The following PHC3 variants were observed in gnomAD, a reference collection of about 807,000 sequenced individuals.
PHC3 encodes polyhomeotic-like protein 3.
A neutral mutation model predicts 107.4 loss-of-function variants in PHC3; 13 were observed. That is an observed-to-expected ratio of 0.12 (90% CI 0.08 to 0.19). The LOEUF (loss-of-function observed/expected upper bound fraction) is 0.19, where lower values mean the gene tolerates loss of function less well. Among genes scored for constraint, PHC3 ranks in the 10% least tolerant of loss-of-function variants. The pLI, the probability that PHC3 is intolerant of heterozygous loss-of-function variation, is 1.00. For synonymous variants in PHC3, 456 were observed against 427.4 expected, an observed-to-expected ratio of 1.07 and a Z score of -0.83; for missense variants, 992 against 1,210.9, an observed-to-expected ratio of 0.82 and a Z score of 2.68.
chr3:170,116,852 A>G (rs1719077983), intron 10 of PHC3, among the ~76,000 whole-genome samples: 1 of 152,062 alleles, frequency 6.6e-6, no homozygotes, highest in African/African-American at 2.4e-5. Context: ...TCAAGGTAAC[A>G]GTGAGCCATG....
chr3:170,126,931 T>TG lies in PHC3; in HGVS notation c.1788+1752_1788+1753insC, dbSNP rs547144565. Among the ~76,000 whole-genome samples, 103 of 147,928 alleles carry TG rather than the reference T, an allele frequency of 7.0e-4. 1 individual carries two copies. Among genetic ancestry groups the TG allele is most frequent in the African/African-American group, 2.6e-3 (98 of 37,934 alleles). On this transcript the variant is annotated intron_variant, in intron 8 of 14. Transcript: ENST00000495893. ...AGGACTATAAAGAAGTTTTTTTTTG[T>TG]TTGTTTTTATTTTTAAATTGTATTT...
In PHC3 at chr3:170,096,517, C is replaced by T. The variant is rs995999007; in HGVS notation, c.*713G>A. On this transcript the variant is annotated 3_prime_UTR_variant, in exon 15 of 15. Coordinates refer to ENST00000495893, the MANE Select transcript of PHC3 (RefSeq NM_024947.4). ...CCCCAAGCTGTGACAACCAAAATGTCTCAACATTGCCAGATGTCCCCTGGC... is the reference window on the plus strand; with the variant it reads ...CCCCAAGCTGTGACAACCAAAATGTTTCAACATTGCCAGATGTCCCCTGGC... 6 of 152,048 alleles carry T rather than the reference C, an allele frequency of 3.9e-5. No individual in the cohort carries two copies. Among genetic ancestry groups the T allele is most frequent in the Non-Finnish European group, 8.8e-5 (6 of 68,008 alleles). The allele number at this position is 152,048 out of a possible 1,614,324, so 9.4% of individuals were successfully genotyped here.
intron 14 of PHC3, chr3:170,102,219 A>G: frequency 1.0e-6 from 1 of 985,452 alleles, no homozygotes; most frequent in Non-Finnish European, 1.2e-6. Flanking sequence ...AGCACCTTTA[A>G]TATCTTCACC....
At chr3:170,099,007 A>G (rs1203968214) in intron 14 of PHC3, among the ~76,000 whole-genome samples, 2 of 152,162 alleles carry the variant, frequency 1.3e-5, no homozygotes, top group African/African-American at 4.8e-5. Context: ...TTATGAAAGA[A>G]CTAATGTTCT....
At chr3:170,168,613 G>C (rs1729099310) in intron 4 of PHC3, among the ~76,000 whole-genome samples, 1 of 152,062 alleles carries the variant, frequency 6.6e-6, no homozygotes, top group Non-Finnish European at 1.5e-5. Context: ...AATTAGCAGG[G>C]TGCGGTGGCG....
intron 14 of PHC3, among the ~76,000 whole-genome samples, chr3:170,100,734 T>C (rs1235851965): frequency 6.6e-6 from 1 of 152,162 alleles, no homozygotes; most frequent in Non-Finnish European, 1.5e-5. Context: ...TTGCCTTTGT[T>C]CTGGTAAAGT....
intron 12 of PHC3, 24 bp from the exon 13 acceptor site, chr3:170,102,958 A>G (rs777453344): frequency 1.3e-6 from 2 of 1,574,952 alleles, no homozygotes; most frequent in South Asian, 2.3e-5. Flanking sequence ...GAAAGAAAAA[A>G]TATTTAATGA....
rs1042646408 is a variant in PHC3 at position 170,093,748 on chromosome 3, CATT to C, written c.*3479_*3481del. 1.6e-4 allele frequency: 24 copies of C among 152,218 alleles called. No homozygotes were observed. The highest frequency in any genetic ancestry group is 4.6e-4 in the African/African-American group (19 of 41,540). 9.4% of individuals were successfully genotyped at this position (152,218 alleles called of 1,614,324 possible). ...GACTTGTATTTGTGAATAGATGTCT[CATT>C]ATAATTTTATACTTGATACATGAAG... is the stretch of plus-strand genomic sequence containing the variant. On this transcript the variant is annotated 3_prime_UTR_variant, in exon 15 of 15. Coordinates refer to ENST00000495893, the MANE Select transcript of PHC3 (RefSeq NM_024947.4).
chr3:170,117,596 C>T (rs1447162850), intron 9 of PHC3, 120 bp from the exon 10 acceptor site: 2 of 1,008,836 alleles, frequency 2.0e-6, no homozygotes, highest in Non-Finnish European at 2.8e-6. Context: ...AAAAACTGTT[C>T]TAAGAACCTT....
intron 8 of PHC3, among the ~76,000 whole-genome samples, chr3:170,123,792 CA>C (rs543453700): frequency 5.3e-5 from 8 of 149,714 alleles, no homozygotes; most frequent in Admixed American, 2.6e-4. Flanking sequence ...GACTCCATCT[CA>C]AAAAAAAGAA....
chr3:170,139,705 T>C (rs1011286350), intron 6 of PHC3, among the ~76,000 whole-genome samples: 1 of 152,242 alleles, frequency 6.6e-6, no homozygotes, highest in African/African-American at 2.4e-5. Context: ...TCTATGATCA[T>C]TTTGACTTAA....
chr3:170,178,183 G>C (rs537148581), intron 2 of PHC3, among the ~76,000 whole-genome samples: 1 of 144,276 alleles, frequency 6.9e-6, no homozygotes, highest in African/African-American at 2.6e-5. Context: ...TCGTTCTGTC[G>C]CTCAGGCGGG....
intron 10 of PHC3, among the ~76,000 whole-genome samples, chr3:170,116,565 T>C (rs1275082233): frequency 1.3e-5 from 2 of 151,908 alleles, no homozygotes; most frequent in African/African-American, 4.8e-5. Flanking sequence ...AGACTCTCTC[T>C]CAAAAACTCA....
rs985437236 is a variant in PHC3 at position 170,102,587 on chromosome 3, C to T, written c.2725G>A (p.Val909Met). ...TTCTCAGGCATTTTCCGAATTCTCA[C>T]ATCCCGAAGCTCACGTTCTCTTTCC... ...ERERERELRD[V>M]RIRKMPENSD... Residue 909 changes from valine (V) to methionine (M), a missense_variant, in exon 14 of 15, where the codon GTG becomes ATG. Physicochemically the swap from Val to Met is conservative, Grantham distance 21. Coordinates refer to ENST00000495893, the MANE Select transcript of PHC3 (RefSeq NM_024947.4). 6 of 1,613,844 alleles carry T rather than the reference C, an allele frequency of 3.7e-6. No individual in the cohort carries two copies. Among genetic ancestry groups the T allele is most frequent in the East Asian group, 2.2e-5 (1 of 44,894 alleles).
intron 4 of PHC3, among the ~76,000 whole-genome samples, chr3:170,167,734 T>G (rs1042221686): frequency 1.4e-5 from 2 of 143,512 alleles, no homozygotes; most frequent in Non-Finnish European, 3.0e-5. Flanking sequence ...CACTCCAGCC[T>G]GGGCGACAGA....
At chr3:170,150,811 G>A in intron 4 of PHC3, 2 of 311,278 alleles carry the variant, frequency 6.4e-6, no homozygotes, top group South Asian at 4.9e-5. Flanking sequence ...TATCTATAAA[G>A]AGACATTGGA....
intron 4 of PHC3, chr3:170,169,632 A>G (rs1457000411): frequency 1.3e-5 from 2 of 152,222 alleles, no homozygotes; most frequent in Non-Finnish European, 2.9e-5. Flanking sequence ...GTTTATGACA[A>G]GTAACATTAA....
At chr3:170,142,337 C>T (rs923916095) in intron 6 of PHC3, among the ~76,000 whole-genome samples, 10 of 151,890 alleles carry the variant, frequency 6.6e-5, no homozygotes, top group Non-Finnish European at 1.2e-4. Flanking sequence ...TCAGAGATTC[C>T]GGCTCCAAAG....
intron 4 of PHC3, among the ~76,000 whole-genome samples, chr3:170,163,044 C>A (rs149282529): frequency 3.9e-5 from 6 of 152,120 alleles, no homozygotes; most frequent in Non-Finnish European, 7.4e-5. Flanking sequence ...TGACATACTA[C>A]GTACTTGTTT....
Sources: allele counts gnomAD v4.1 joint callset (sites outside exome capture counted in the v4.1 genomes callset), GRCh38; gene constraint gnomAD v4.1.1; transcripts MANE v1.5; gene names NCBI Gene and HGNC (gene_info 2026-07-23, HGNC 2026-07-21).